The following PSD3 variants were observed in gnomAD, a reference collection of about 807,000 sequenced individuals.
PSD3 encodes the protein pleckstrin and Sec7 domain containing 3, also known as PH and SEC7 domain-containing protein 3.
PSD3 carries 49 observed loss-of-function variants against 105.5 expected under a neutral mutation model. That is an observed-to-expected ratio of 0.46 (90% CI 0.37 to 0.59). The LOEUF (loss-of-function observed/expected upper bound fraction) is 0.59, where lower values mean the gene tolerates loss of function less well. PSD3 is among the 20% of genes least tolerant of loss of function. The pLI is 0.00. For missense variants in PSD3, 1,561 were observed against 1,263.8 expected (o/e 1.24, Z -3.57); for synonymous variants, 557 against 457.8 (o/e 1.22, Z -2.77).
chr8:19,030,013 T>C (rs1057023670), intron 1 of PSD3, among the ~76,000 whole-genome samples: 2 of 152,180 alleles, frequency 1.3e-5, no homozygotes, highest in African/African-American at 4.8e-5. Flanking sequence ...TAATGCAATA[T>C]GGAATAGTAG....
chr8:18,575,920 CAACT>C (rs1802435624), intron 12 of PSD3, among the ~76,000 whole-genome samples: 2 of 152,102 alleles, frequency 1.3e-5, no homozygotes, highest in African/African-American at 4.8e-5. Flanking sequence ...CATATGCTAC[CAACT>C]GTTAGATATT....
intron 4 of PSD3, among the ~76,000 whole-genome samples, chr8:18,811,694 G>A (rs760461304): frequency 6.6e-6 from 1 of 152,158 alleles, no homozygotes; most frequent in Non-Finnish European, 1.5e-5. Flanking sequence ...CAAGCCCAGA[G>A]AAGGCCCAAA....
At chr8:18,589,740 G>C (rs369653679) in intron 12 of PSD3, among the ~76,000 whole-genome samples, 46 of 152,304 alleles carry the variant, frequency 3.0e-4, no homozygotes, top group African/African-American at 1.1e-3. Flanking sequence ...GAGCCAAGGA[G>C]ATGGGCGAGG....
intron 10 of PSD3, among the ~76,000 whole-genome samples, chr8:18,646,573 TAAAC>T (rs775294055): frequency 2.2e-4 from 33 of 151,790 alleles, no homozygotes; most frequent in Non-Finnish European, 3.5e-4. Context: ...TGTTGGCAAA[TAAAC>T]AAAATGAAGC....
intron 4 of PSD3, among the ~76,000 whole-genome samples, chr8:18,809,940 T>C (rs900307475): frequency 3.9e-5 from 6 of 152,202 alleles, no homozygotes; most frequent in Admixed American, 6.5e-5. Flanking sequence ...CCACCACAAA[T>C]GTGATAATGT....
At chr8:18,665,596 G>C (rs190276759) in intron 9 of PSD3, among the ~76,000 whole-genome samples, 3 of 152,374 alleles carry the variant, frequency 2.0e-5, no homozygotes, top group East Asian at 1.9e-4. Flanking sequence ...AGCAGTAGCA[G>C]GGTTTGAGGG....
intron 10 of PSD3, among the ~76,000 whole-genome samples, chr8:18,641,177 T>C (rs13253691): frequency 0.43 from 65,123 of 152,064 alleles, 14,433 homozygotes; most frequent in Middle Eastern, 0.54. Flanking sequence ...CACCTTGTAC[T>C]GGCAATCATT....
At chr8:18,747,862 G>C (rs80134221) in intron 9 of PSD3, among the ~76,000 whole-genome samples, 1,578 of 152,058 alleles carry the variant, frequency 0.01, 32 homozygotes, top group African/African-American at 0.036. Flanking sequence ...GTTTCCTTTT[G>C]CAGGCCTCTA....
intron 1 of PSD3, among the ~76,000 whole-genome samples, chr8:18,990,919 A>G: frequency 6.6e-6 from 1 of 152,108 alleles, no homozygotes; most frequent in Middle Eastern, 3.2e-3. Flanking sequence ...GGGGGAAGCA[A>G]AATCCTGCCT....
intron 4 of PSD3, among the ~76,000 whole-genome samples, chr8:18,826,323 T>TGATA (rs900879640): frequency 5.3e-5 from 8 of 152,180 alleles, no homozygotes; most frequent in African/African-American, 1.9e-4. Context: ...ATGAATCTCA[T>TGATA]GATAGATAGA....
intron 10 of PSD3, among the ~76,000 whole-genome samples, chr8:18,647,901 G>A (rs1025513259): frequency 5.3e-5 from 8 of 152,160 alleles, no homozygotes; most frequent in East Asian, 1.9e-4. Flanking sequence ...CTCTTGCTCC[G>A]GCCATGTGAA....
chr8:18,864,674 A>C (rs1816695312), intron 4 of PSD3: 1 of 152,176 alleles, frequency 6.6e-6, no homozygotes, highest in South Asian at 2.1e-4. Context: ...GCGAGTGAAC[A>C]CAGATGGAAT....
intron 1 of PSD3, among the ~76,000 whole-genome samples, chr8:18,967,316 C>G (rs927614844): frequency 2.6e-5 from 4 of 151,966 alleles, no homozygotes; most frequent in African/African-American, 9.7e-5. Context: ...CCACCATGCC[C>G]GGCTAATTTT....
chr8:18,690,057 C>T (rs892968775), intron 9 of PSD3, among the ~76,000 whole-genome samples: 1 of 152,148 alleles, frequency 6.6e-6, no homozygotes, highest in Admixed American at 6.5e-5. Flanking sequence ...GAACACATAT[C>T]TCTTCAGACT....
chr8:18,579,200 T>C (rs1802655613), intron 12 of PSD3, among the ~76,000 whole-genome samples: 2 of 151,538 alleles, frequency 1.3e-5, no homozygotes, highest in African/African-American at 2.4e-5. Context: ...AATGACTTTA[T>C]CCTACTAAGT....
At chr8:18,599,601 G>A (rs2130563635) in intron 12 of PSD3, among the ~76,000 whole-genome samples, 1 of 152,248 alleles carries the variant, frequency 6.6e-6, no homozygotes, top group African/African-American at 2.4e-5. Flanking sequence ...AATAGTACGA[G>A]ACCCTATATA....
At chr8:18,797,123 T>A (rs1453169653) in intron 8 of PSD3, among the ~76,000 whole-genome samples, 1 of 152,132 alleles carries the variant, frequency 6.6e-6, no homozygotes, top group Non-Finnish European at 1.5e-5. Context: ...GAAACATATT[T>A]ACATGGTTAG....
At chr8:19,032,441 A>G (rs1468901427) in intron 1 of PSD3, among the ~76,000 whole-genome samples, 2 of 152,080 alleles carry the variant, frequency 1.3e-5, no homozygotes, top group African/African-American at 4.8e-5. Context: ...TCAGTAGTTC[A>G]AGGTCAGCCT....
intron 9 of PSD3, among the ~76,000 whole-genome samples, chr8:18,749,621 A>C (rs1805308960): frequency 6.6e-6 from 1 of 152,224 alleles, no homozygotes; most frequent in South Asian, 2.1e-4. Context: ...GTGTAATCAC[A>C]CAAGACCTTC....
Sources: gnomAD v4.1 joint callset for allele counts (sites outside exome capture counted in the v4.1 genomes callset) on GRCh38, gnomAD v4.1.1 for gene constraint, MANE v1.5 for transcripts, NCBI Gene and HGNC (gene_info 2026-07-23, HGNC 2026-07-21) for gene names.